ERC2: variants seen among roughly 807,000 people sequenced by gnomAD.
ERC2 encodes ERC protein 2.
Under a neutral mutation model 114.8 loss-of-function variants are expected in ERC2, and 42 were observed. The ratio of observed to expected loss-of-function variants is 0.37; its 90% CI spans 0.29 to 0.47. ERC2 has a LOEUF of 0.47. Ranked by LOEUF, ERC2 falls within the 20% of genes least tolerant of loss-of-function variation. ERC2 has a pLI of 0.99. For synonymous variants in ERC2, 454 were observed against 425.5 expected, an observed-to-expected ratio of 1.07 and a Z score of -0.82; for missense variants, 939 against 1,150.7, an observed-to-expected ratio of 0.82 and a Z score of 2.66.
Position 56,109,720 on chromosome 3 carries a change from G to T in ERC2, c.1474-28736C>A, listed in dbSNP as rs369981909. ...GCCATGGGACACTTCCAACTGCAGT[G>T]TTGAAATTGCTTTGACTTTGTACAT... On this transcript the variant is annotated intron_variant, in intron 6 of 17. Transcript: ENST00000288221. Among the ~76,000 whole-genome samples, 15 of 152,282 alleles carry T rather than the reference G, an allele frequency of 9.9e-5. No homozygotes were observed. In the East Asian group the frequency reaches 2.3e-3, roughly 23 times the overall value.
intron 17 of ERC2, among the ~76,000 whole-genome samples, chr3:55,551,570 C>T (rs1176628931): frequency 6.6e-6 from 1 of 152,098 alleles, no homozygotes; most frequent in African/African-American, 2.4e-5. Context: ...AAGAAATTGG[C>T]TCACGTGTTT....
At chr3:55,843,206 C>A (rs980233792) in intron 14 of ERC2, among the ~76,000 whole-genome samples, 10 of 152,174 alleles carry the variant, frequency 6.6e-5, no homozygotes, top group African/African-American at 1.9e-4. Flanking sequence ...GTCTCCATTA[C>A]TTCTTTCTCT....
chr3:56,179,960 G>C (rs1311734281), intron 3 of ERC2, among the ~76,000 whole-genome samples: 1 of 152,046 alleles, frequency 6.6e-6, no homozygotes. Flanking sequence ...AGAAAGAAGA[G>C]AGATCAGAGT....
At chr3:56,123,929 G>A (rs116451707) in intron 6 of ERC2, among the ~76,000 whole-genome samples, 2,538 of 152,220 alleles carry the variant, frequency 0.017, 26 homozygotes, top group Middle Eastern at 0.034. Context: ...AGGGTATGTC[G>A]CCTAACTTAC....
chr3:55,893,652 T>A (rs1042376688), intron 13 of ERC2, among the ~76,000 whole-genome samples: 7 of 152,288 alleles, frequency 4.6e-5, no homozygotes, highest in African/African-American at 1.7e-4. Context: ...GTCATTCCTG[T>A]TTAAGACCTC....
intron 3 of ERC2, among the ~76,000 whole-genome samples, chr3:56,276,469 A>AAAAAAAAAAAAG (rs1313393586): frequency 1.3e-5 from 2 of 151,250 alleles, no homozygotes; most frequent in African/African-American, 4.8e-5. Flanking sequence ...TAAAAAAAAA[A>AAAAAAAAAAAAG]AAAAAAAACA....
intron 17 of ERC2, among the ~76,000 whole-genome samples, chr3:55,639,774 G>A (rs1279792314): frequency 6.6e-6 from 1 of 152,182 alleles, no homozygotes; most frequent in African/African-American, 2.4e-5. Context: ...TGGGGTATGT[G>A]TGCGTGTGGG....
At chr3:55,526,701 C>G (rs2053340145) in intron 17 of ERC2, among the ~76,000 whole-genome samples, 1 of 152,198 alleles carries the variant, frequency 6.6e-6, no homozygotes, top group Non-Finnish European at 1.5e-5. Context: ...GGACAAAAGT[C>G]CCAAACAGTA....
intron 7 of ERC2, among the ~76,000 whole-genome samples, chr3:56,034,164 G>C (rs182162950): frequency 1.5e-3 from 228 of 152,156 alleles, no homozygotes; most frequent in African/African-American, 5.1e-3. Flanking sequence ...AAGCAAAAAA[G>C]AATAGGGGTG....
chr3:56,187,294 C>T (rs2083686314), intron 3 of ERC2, among the ~76,000 whole-genome samples: 1 of 152,136 alleles, frequency 6.6e-6, no homozygotes, highest in Admixed American at 6.5e-5. Flanking sequence ...GCACTCACAG[C>T]CACTGGAGGA....
intron 6 of ERC2, among the ~76,000 whole-genome samples, chr3:56,110,649 T>C (rs943930882): frequency 6.6e-5 from 10 of 152,198 alleles, no homozygotes; most frequent in Admixed American, 5.2e-4. Context: ...GATTTAAGCA[T>C]TGATATCATT....
chr3:56,130,761 A>C (rs951449199), intron 6 of ERC2, among the ~76,000 whole-genome samples: 1 of 152,214 alleles, frequency 6.6e-6, no homozygotes, highest in Non-Finnish European at 1.5e-5. Flanking sequence ...GCCTTAAGAA[A>C]GCAATAGCAT....
At chr3:55,721,997 G>A (rs1168600889) in intron 15 of ERC2, among the ~76,000 whole-genome samples, 2 of 152,178 alleles carry the variant, frequency 1.3e-5, no homozygotes, top group Non-Finnish European at 2.9e-5. Context: ...TTTCTGGGGC[G>A]TAAGAACAGC....
chr3:56,210,779 A>G (rs1202589868), intron 3 of ERC2, among the ~76,000 whole-genome samples: 3 of 152,222 alleles, frequency 2.0e-5, no homozygotes, highest in Non-Finnish European at 4.4e-5. Context: ...TTAACATTTA[A>G]TAGAAGACAA....
intron 3 of ERC2, among the ~76,000 whole-genome samples, chr3:56,294,857 C>A (rs2150354691): frequency 6.6e-6 from 1 of 152,274 alleles, no homozygotes; most frequent in African/African-American, 2.4e-5. Context: ...TTAAGCTTTT[C>A]AATATGAAAC....
At chr3:55,918,922 C>T (rs1276578575) in intron 13 of ERC2, among the ~76,000 whole-genome samples, 2 of 151,676 alleles carry the variant, frequency 1.3e-5, no homozygotes, top group Admixed American at 1.3e-4. Flanking sequence ...GCAATAGATT[C>T]CTGATATAAA....
chr3:56,077,797 A>G (rs1156989449), intron 7 of ERC2, among the ~76,000 whole-genome samples: 1 of 152,218 alleles, frequency 6.6e-6, no homozygotes, highest in Non-Finnish European at 1.5e-5. Flanking sequence ...AAACACTTTT[A>G]TCTAGGCTAT....
chr3:55,724,870 T>C (rs1170452152), intron 15 of ERC2, among the ~76,000 whole-genome samples: 3 of 152,208 alleles, frequency 2.0e-5, no homozygotes, highest in Non-Finnish European at 2.9e-5. Context: ...CACTCTACTT[T>C]GGTGGTGGAT....
At chr3:56,090,023 A>G (rs1252967701) in intron 6 of ERC2, among the ~76,000 whole-genome samples, 2 of 152,162 alleles carry the variant, frequency 1.3e-5, no homozygotes, top group African/African-American at 2.4e-5. Context: ...ACCTCTACAA[A>G]AGAAAATTTT....
Sources: allele counts gnomAD v4.1 joint callset (sites outside exome capture counted in the v4.1 genomes callset), GRCh38; gene constraint gnomAD v4.1.1; transcripts MANE v1.5; gene names NCBI Gene and HGNC (gene_info 2026-07-23, HGNC 2026-07-21).